The following NECAB1 variants were observed in gnomAD, a reference collection of about 807,000 sequenced individuals.
NECAB1 encodes N-terminal EF-hand calcium binding protein 1.
In NECAB1, 29 loss-of-function variants were observed where a neutral mutation model predicts 57.5. The observed-to-expected ratio is 0.50, with a 90% CI of 0.38 to 0.69. The LOEUF (loss-of-function observed/expected upper bound fraction) is 0.69. NECAB1 is among the 30% of genes least tolerant of loss of function. The probability of loss-of-function intolerance (pLI) is 0.00; values close to 1 mark genes in which losing one functional copy is unlikely to be tolerated. For missense variants in NECAB1, 372 were observed against 413.8 expected, an observed-to-expected ratio of 0.90 and a Z score of 0.88; for synonymous variants, 142 against 147.7, an observed-to-expected ratio of 0.96 and a Z score of 0.28.
intron 8 of NECAB1, among the ~76,000 whole-genome samples, chr8:90,933,273 A>G (rs1247100591): frequency 1.3e-5 from 2 of 152,270 alleles, no homozygotes; most frequent in East Asian, 3.9e-4. Context: ...AAGAACTTGC[A>G]CACACATGTT....
At chr8:90,796,712 C>T (rs199739648) in intron 1 of NECAB1, among the ~76,000 whole-genome samples, 1 of 152,124 alleles carries the variant, frequency 6.6e-6, no homozygotes, top group African/African-American at 2.4e-5. Flanking sequence ...ACCTTAAGAT[C>T]GGCTGACACA....
rs1810782576 is a variant in NECAB1 at position 90,945,484 on chromosome 8, G to A, written c.861-4323G>A. 2.0e-5 allele frequency among the ~76,000 whole-genome samples: 3 copies of A among 152,164 alleles called. No individual in the cohort carries two copies. The South Asian group carries it at 6.2e-4, about 32-fold the overall frequency. ...CAAAGTATTGGGATAACAGGAGTGA[G>A]CCACCGTGCCCAGCCTCATTAATCA... On this transcript the variant is annotated intron_variant, in intron 10 of 12. Transcript: ENST00000417640.
intron 6 of NECAB1, among the ~76,000 whole-genome samples, chr8:90,924,953 T>C (rs528169469): frequency 1.3e-5 from 2 of 151,532 alleles, no homozygotes; most frequent in Admixed American, 6.6e-5. Flanking sequence ...CTGTATATAG[T>C]ATATAAGATA....
chr8:90,944,353 T>A (rs2130251566), intron 10 of NECAB1, among the ~76,000 whole-genome samples: 1 of 152,168 alleles, frequency 6.6e-6, no homozygotes, highest in Admixed American at 6.5e-5. Context: ...GTATGGGGAG[T>A]TACAGAGGTT....
chr8:90,954,929 T>C (rs1810994250), intron 12 of NECAB1, among the ~76,000 whole-genome samples: 1 of 147,176 alleles, frequency 6.8e-6, no homozygotes, highest in African/African-American at 2.5e-5. Flanking sequence ...AATGCATATG[T>C]ATTATATGTA....
At chr8:90,875,487 CAAAAAAAAAAAAAAA>C (rs35777818) in intron 4 of NECAB1, among the ~76,000 whole-genome samples, 12 of 41,478 alleles carry the variant, frequency 2.9e-4, no homozygotes, top group South Asian at 1.4e-3. Flanking sequence ...GACTCCGTCT[CAAAAAAAAAAAAAAA>C]AAAAAAAAAA....
intron 3 of NECAB1, among the ~76,000 whole-genome samples, chr8:90,862,182 T>C (rs931198516): frequency 3.9e-5 from 6 of 152,172 alleles, no homozygotes; most frequent in African/African-American, 1.4e-4. Flanking sequence ...TGTTTTCAAG[T>C]AAATCAAACA....
intron 5 of NECAB1, among the ~76,000 whole-genome samples, chr8:90,893,279 C>T (rs1287842665): frequency 6.6e-6 from 1 of 152,152 alleles, no homozygotes; most frequent in Non-Finnish European, 1.5e-5. Context: ...TTCAAACCGC[C>T]TCTTGCACAT....
intron 1 of NECAB1, among the ~76,000 whole-genome samples, chr8:90,799,267 G>A (rs944469526): frequency 3.9e-5 from 6 of 152,034 alleles, no homozygotes; most frequent in Non-Finnish European, 5.9e-5. Context: ...TCTGTTGATA[G>A]TTCATTTTCC....
chr8:90,941,773 C>T (rs939906777), intron 10 of NECAB1, among the ~76,000 whole-genome samples: 9 of 152,192 alleles, frequency 5.9e-5, no homozygotes, highest in African/African-American at 2.2e-4. Flanking sequence ...TCAGACCTGG[C>T]TATTCTTCCT....
intron 5 of NECAB1, among the ~76,000 whole-genome samples, chr8:90,882,727 T>A (rs1230456722): frequency 6.6e-6 from 1 of 151,544 alleles, no homozygotes; most frequent in Non-Finnish European, 1.5e-5. Flanking sequence ...AGTGAGTAAC[T>A]GTGCAATGTT....
intron 2 of NECAB1, among the ~76,000 whole-genome samples, chr8:90,821,092 A>G (rs959190009): frequency 6.6e-6 from 1 of 151,770 alleles, no homozygotes. Flanking sequence ...ATTACTTGGT[A>G]TTGGTAACTC....
rs116420476 is a variant in NECAB1 at position 90,924,183 on chromosome 8, A to G, written c.495-1352A>G. ...TAGTGACTCTGGGATATAGAACACAATGGAGCAAATTTTTCAAAACAATTG... is the reference window on the plus strand; with the variant it reads ...TAGTGACTCTGGGATATAGAACACAGTGGAGCAAATTTTTCAAAACAATTG... On this transcript the variant is annotated intron_variant, in intron 6 of 12. Transcript: ENST00000417640. Among the ~76,000 whole-genome samples the G allele has an allele frequency of 1.8e-3, 268 of 152,358 alleles. 2 individuals carry two copies. Among genetic ancestry groups the G allele is most frequent in the Middle Eastern group, 0.01 (3 of 294 alleles).
At chr8:90,885,131 G>A (rs1259285824) in intron 5 of NECAB1, among the ~76,000 whole-genome samples, 1 of 152,154 alleles carries the variant, frequency 6.6e-6, no homozygotes, top group Non-Finnish European at 1.5e-5. Flanking sequence ...ATGACTTTGG[G>A]TATAATTTAA....
intron 3 of NECAB1, among the ~76,000 whole-genome samples, chr8:90,836,042 A>G (rs1226102402): frequency 6.6e-6 from 1 of 152,206 alleles, no homozygotes; most frequent in Non-Finnish European, 1.5e-5. Flanking sequence ...GCACTTTTGA[A>G]TGCTATTGCT....
rs558842424 is a variant in NECAB1, at chr8:90,956,717, T to A, written c.*1205T>A. 1 of 152,138 alleles carries A rather than the reference T, an allele frequency of 6.6e-6. No individual in the cohort carries two copies. Among genetic ancestry groups the A allele is most frequent in the Non-Finnish European group, 1.5e-5 (1 of 67,894 alleles). 9.4% of individuals were successfully genotyped at this position (152,138 alleles called of 1,614,324 possible). On this transcript the variant is annotated 3_prime_UTR_variant, in exon 13 of 13. Transcript: ENST00000417640. ...TTATAAGGTAAAATTTTCCTGTTTT[T>A]CCCCCTTTGAAAAACTCAGGAAAAA... is the stretch of plus-strand genomic sequence containing the variant.
chr8:90,886,370 A>T (rs1485741822), intron 5 of NECAB1, among the ~76,000 whole-genome samples: 1 of 152,094 alleles, frequency 6.6e-6, no homozygotes, highest in African/African-American at 2.4e-5. Flanking sequence ...CTAAATACTT[A>T]TAATGTACTC....
At chr8:90,900,936 T>C (rs183420699) in intron 5 of NECAB1, among the ~76,000 whole-genome samples, 1 of 152,354 alleles carries the variant, frequency 6.6e-6, no homozygotes, top group Admixed American at 6.5e-5. Context: ...TAAAGGTACT[T>C]TAATCAGTCT....
At position 90,955,469 on chromosome 8, in the gene NECAB1, A is replaced by C. The variant is rs1408013596; in HGVS notation, c.1031-18A>C. ...TAAGTTATTTTCATTATTTTAGAAA[A>C]CATTTTTCTCTTTTCAGCTTCGTGG... On this transcript the variant is annotated intron_variant, in intron 12 of 12. Transcript: ENST00000417640. 1.3e-6 allele frequency: 2 copies of C among 1,536,306 alleles called. No homozygotes were observed. Among genetic ancestry groups the C allele is most frequent in the Non-Finnish European group, 1.8e-6 (2 of 1,136,372 alleles).
Sources: allele counts gnomAD v4.1 joint callset (sites outside exome capture counted in the v4.1 genomes callset), GRCh38; gene constraint gnomAD v4.1.1; transcripts MANE v1.5; gene names NCBI Gene and HGNC (gene_info 2026-07-23, HGNC 2026-07-21).